Variants in PDE4D observed in about 807,000 individuals in gnomAD.
PDE4D encodes 3',5'-cyclic-AMP phosphodiesterase 4D.
PDE4D carries 24 observed loss-of-function variants against 87.4 expected under a neutral mutation model. The observed-to-expected ratio is 0.27, with a 90% CI of 0.20 to 0.39. The LOEUF is 0.39. Ranked by LOEUF, PDE4D falls within the 10% of genes least tolerant of loss-of-function variation. The pLI is 1.00. For missense variants in PDE4D, 714 were observed against 1,041.0 expected (o/e 0.69, Z 4.32); for synonymous variants, 384 against 383.2 (o/e 1.00, Z -0.02).
intron 2 of PDE4D, among the ~76,000 whole-genome samples, chr5:60,067,712 T>C (rs1471184846): frequency 6.6e-6 from 1 of 152,070 alleles, no homozygotes; most frequent in Non-Finnish European, 1.5e-5. Flanking sequence ...TAACTCCCCA[T>C]TTCTCTCTAC....
chr5:60,186,671 A>G (rs1784809659), intron 1 of PDE4D, among the ~76,000 whole-genome samples: 1 of 152,154 alleles, frequency 6.6e-6, no homozygotes, highest in Non-Finnish European at 1.5e-5. Flanking sequence ...TAGTTCTATC[A>G]TTTGGGTTTG....
At chr5:59,980,847 C>T (rs1010403917) in intron 3 of PDE4D, among the ~76,000 whole-genome samples, 17 of 152,136 alleles carry the variant, frequency 1.1e-4, no homozygotes, top group Middle Eastern at 3.2e-3. Context: ...TTTTACATTG[C>T]TTATTTTAGA....
chr5:60,438,850 T>C (rs1208861951), intron 1 of PDE4D, among the ~76,000 whole-genome samples: 1 of 152,088 alleles, frequency 6.6e-6, no homozygotes, highest in Non-Finnish European at 1.5e-5. Flanking sequence ...GCACCTGTGT[T>C]GGTAGGGTGG....
intron 1 of PDE4D, among the ~76,000 whole-genome samples, chr5:60,511,307 G>A (rs1750562312): frequency 6.6e-6 from 1 of 152,122 alleles, no homozygotes; most frequent in Admixed American, 6.5e-5. Context: ...CTTGTTGTTA[G>A]AGACTCAATA....
intron 1 of PDE4D, among the ~76,000 whole-genome samples, chr5:59,370,048 CTCTGGTT>C (rs1396166486): frequency 1.3e-5 from 2 of 152,152 alleles, no homozygotes; most frequent in Non-Finnish European, 2.9e-5. Context: ...ACACAATTAG[CTCTGGTT>C]TCAAAACATT....
At chr5:59,049,247 C>T (rs1434935922) in intron 5 of PDE4D, among the ~76,000 whole-genome samples, 1 of 152,122 alleles carries the variant, frequency 6.6e-6, no homozygotes, top group African/African-American at 2.4e-5. Context: ...TTTACAGGCA[C>T]TCAGCAAATA....
At position 60,394,830 on chromosome 5, in the gene PDE4D, C is replaced by T. The variant is rs114144220; in HGVS notation, c.-90+93112G>A. Among the ~76,000 whole-genome samples, 1,039 of 152,290 alleles carry T rather than the reference C, an allele frequency of 6.8e-3. 12 individuals carry two copies. Among genetic ancestry groups the T allele is most frequent in the African/African-American group, 0.024 (987 of 41,554 alleles). On this transcript the variant is annotated intron_variant, in intron 1 of 16. Transcript: ENST00000502484. ...AGCAGCAGTAATGACATTACTTTGG[C>T]AGAGCTCATGAATCTACATTAATAT... is the stretch of plus-strand genomic sequence containing the variant.
chr5:59,712,567 ACTGAAT>A (rs1754367045), intron 1 of PDE4D, among the ~76,000 whole-genome samples: 2 of 150,260 alleles, frequency 1.3e-5, no homozygotes, highest in Middle Eastern at 3.2e-3. Flanking sequence ...TTATTAGTCT[ACTGAAT>A]CTATTCTGCC....
intron 1 of PDE4D, among the ~76,000 whole-genome samples, chr5:60,260,100 C>G (rs1261649223): frequency 1.3e-5 from 2 of 151,768 alleles, no homozygotes; most frequent in East Asian, 3.9e-4. Flanking sequence ...TTCATTTAAT[C>G]TTTGCCTCCC....
chr5:59,659,726 T>C (rs1017471259), intron 1 of PDE4D, among the ~76,000 whole-genome samples: 1 of 152,210 alleles, frequency 6.6e-6, no homozygotes, highest in Non-Finnish European at 1.5e-5. Context: ...ATCATAATGT[T>C]CCCTTGCCCA....
intron 2 of PDE4D, among the ~76,000 whole-genome samples, chr5:60,172,119 T>A (rs1482078273): frequency 6.8e-6 from 1 of 146,984 alleles, no homozygotes; most frequent in Admixed American, 6.8e-5. Flanking sequence ...TATATTATAT[T>A]ATATATATAA....
chr5:60,215,462 C>T (rs192084625), intron 1 of PDE4D, among the ~76,000 whole-genome samples: 8 of 152,018 alleles, frequency 5.3e-5, no homozygotes, highest in African/African-American at 1.7e-4. Context: ...TTACCCCAAC[C>T]CTCAAGCAAA....
intron 5 of PDE4D, among the ~76,000 whole-genome samples, chr5:59,153,511 A>T (rs553251460): frequency 2.0e-4 from 30 of 152,292 alleles, no homozygotes; most frequent in Admixed American, 1.9e-3. Flanking sequence ...ACACATTTTC[A>T]TCCCACTTTC....
rs1583212176 is a variant in PDE4D at position 60,250,947 on chromosome 5, T to C, written c.-89-65260A>G. ...GACAGGGTATGAAGGTGAAAGACAG[T>C]GATATTGTTGATACTGACTCTATGT... is the stretch of plus-strand genomic sequence containing the variant. On this transcript the variant is annotated intron_variant, in intron 1 of 16. Coordinates refer to the PDE4D transcript ENST00000502484. Among the ~76,000 whole-genome samples, 3 of 151,974 alleles carry C rather than the reference T, an allele frequency of 2.0e-5. No individual in the cohort carries two copies. The East Asian group carries it at 5.8e-4, about 30-fold the overall frequency.
chr5:58,974,112 G>A lies in PDE4D; in HGVS notation c.*552C>T, dbSNP rs1448726271. On this transcript the variant is annotated 3_prime_UTR_variant, in exon 15 of 15. Transcript: ENST00000340635. The stretch of plus-strand genomic sequence containing the variant: ...ATCTGTTTTACATATCATACAAAAT[G>A]TAGAGGTCAGTGCAGCTCACTGAAC... 6.6e-6 allele frequency: 1 copy of A among 152,492 alleles called. No homozygotes were observed. Among genetic ancestry groups the A allele is most frequent in the African/African-American group, 2.4e-5 (1 of 41,424 alleles). 9.4% of individuals were successfully genotyped at this position (152,492 alleles called of 1,614,324 possible). A position where few individuals can be genotyped will look rare whatever the true frequency, so the allele number is the denominator to read the frequency against.
At chr5:59,683,757 T>C (rs1024082344) in intron 1 of PDE4D, among the ~76,000 whole-genome samples, 1 of 152,218 alleles carries the variant, frequency 6.6e-6, no homozygotes, top group Non-Finnish European at 1.5e-5. Flanking sequence ...TTATTAGTAG[T>C]TTTTAGATAT....
intron 1 of PDE4D, among the ~76,000 whole-genome samples, chr5:59,818,065 G>A (rs1403208296): frequency 6.6e-6 from 1 of 152,180 alleles, no homozygotes; most frequent in Non-Finnish European, 1.5e-5. Context: ...AGAGCCCAGT[G>A]AAGCTCACAT....
At chr5:60,116,348 T>C (rs1421034946) in intron 2 of PDE4D, among the ~76,000 whole-genome samples, 1 of 152,060 alleles carries the variant, frequency 6.6e-6, no homozygotes, top group Non-Finnish European at 1.5e-5. Flanking sequence ...AAAAATTACA[T>C]AGATTTAATT....
chr5:59,307,333 T>C (rs1256058636), intron 1 of PDE4D, among the ~76,000 whole-genome samples: 7 of 147,296 alleles, frequency 4.8e-5, no homozygotes, highest in East Asian at 4.1e-4. Context: ...CCAAAAGCAA[T>C]GGCAACAAAA....
Sources: allele counts gnomAD v4.1 joint callset (sites outside exome capture counted in the v4.1 genomes callset), GRCh38; gene constraint gnomAD v4.1.1; transcripts MANE v1.5; gene names NCBI Gene and HGNC (gene_info 2026-07-23, HGNC 2026-07-21).